The following EBF1 variants were observed in gnomAD, a reference collection of about 807,000 sequenced individuals.
EBF1 encodes the protein EBF transcription factor 1.
A neutral mutation model predicts 68.4 loss-of-function variants in EBF1; 10 were observed. That is an observed-to-expected ratio of 0.15 (90% CI 0.09 to 0.25). The LOEUF is 0.25. Among genes scored for constraint, EBF1 ranks in the 10% least tolerant of loss-of-function variants. The pLI, the probability that EBF1 is intolerant of heterozygous loss-of-function variation, is 1.00. For synonymous variants in EBF1, 298 were observed against 299.8 expected (o/e 0.99, Z 0.06); for missense variants, 509 against 794.4 (o/e 0.64, Z 4.32).
chr5:158,825,134 T>G (rs901919174), intron 7 of EBF1, among the ~76,000 whole-genome samples: 5 of 152,144 alleles, frequency 3.3e-5, no homozygotes, highest in African/African-American at 1.2e-4. Context: ...ACCAACCAGA[T>G]CTGACACAGC....
intron 6 of EBF1, among the ~76,000 whole-genome samples, chr5:158,947,841 G>C (rs962795085): frequency 2.2e-4 from 33 of 152,216 alleles, no homozygotes; most frequent in African/African-American, 7.9e-4. Flanking sequence ...GAGGTTGAAG[G>C]AGAACAGGAG....
intron 6 of EBF1, among the ~76,000 whole-genome samples, chr5:158,986,115 A>G (rs1484351025): frequency 6.6e-6 from 1 of 152,242 alleles, no homozygotes; most frequent in African/African-American, 2.4e-5. Flanking sequence ...CTGAGCCACA[A>G]GCCATTCCGC....
chr5:158,959,088 T>A (rs1308655038), intron 6 of EBF1, among the ~76,000 whole-genome samples: 1 of 152,066 alleles, frequency 6.6e-6, no homozygotes, highest in Non-Finnish European at 1.5e-5. Flanking sequence ...CTTCAGTGAA[T>A]TTGCATTTTC....
intron 6 of EBF1, among the ~76,000 whole-genome samples, chr5:159,050,851 A>C (rs1405962388): frequency 1.3e-5 from 2 of 152,212 alleles, no homozygotes; most frequent in Middle Eastern, 3.4e-3. Context: ...TGCTCTTTTT[A>C]ATTCCCCATT....
At chr5:158,814,296 T>C (rs1289903571) in intron 8 of EBF1, among the ~76,000 whole-genome samples, 1 of 152,072 alleles carries the variant, frequency 6.6e-6, no homozygotes, top group Non-Finnish European at 1.5e-5. Context: ...TGAGCTATGA[T>C]TGCACCACTG....
chr5:159,018,439 C>G (rs1766035564), intron 6 of EBF1, among the ~76,000 whole-genome samples: 1 of 152,220 alleles, frequency 6.6e-6, no homozygotes, highest in Admixed American at 6.5e-5. Context: ...ATACAAAGGT[C>G]TGATCACCAG....
intron 8 of EBF1, among the ~76,000 whole-genome samples, chr5:158,813,937 G>A (rs1783189272): frequency 6.6e-6 from 1 of 152,148 alleles, no homozygotes; most frequent in Admixed American, 6.5e-5. Context: ...CAAGTGAGGG[G>A]AGCTCCTGTG....
intron 6 of EBF1, among the ~76,000 whole-genome samples, chr5:159,056,953 G>T (rs139414675): frequency 6.6e-6 from 1 of 152,078 alleles, no homozygotes; most frequent in African/African-American, 2.4e-5. Flanking sequence ...GCAATTTGTC[G>T]CACGGTGTTA....
intron 6 of EBF1, among the ~76,000 whole-genome samples, chr5:158,913,797 G>A (rs1358764061): frequency 1.3e-5 from 2 of 152,194 alleles, no homozygotes; most frequent in African/African-American, 2.4e-5. Flanking sequence ...GAGAGCGCGA[G>A]TATTATACCA....
At chr5:159,053,725 T>TATATGTAC (rs1210947803) in intron 6 of EBF1, among the ~76,000 whole-genome samples, 2 of 151,962 alleles carry the variant, frequency 1.3e-5, no homozygotes, top group African/African-American at 2.4e-5. Flanking sequence ...ACAAAATGAG[T>TATATGTAC]ATATGTACCC....
Position 158,749,006 on chromosome 5 carries a change from G to A in EBF1, c.1037-17849C>T, listed in dbSNP as rs117928626. Reference sequence around the variant, plus strand: ...CAGAAAAACCTAAGCAGGAGTTTGAGGTGTGTCCCCAAGGCAATCTTGTCA... The same window carrying A: ...CAGAAAAACCTAAGCAGGAGTTTGAAGTGTGTCCCCAAGGCAATCTTGTCA... On this transcript the variant is annotated intron_variant, in intron 10 of 15. Coordinates refer to ENST00000313708, the MANE Select transcript of EBF1 (RefSeq NM_024007.5). Among the ~76,000 whole-genome samples the A allele has an allele frequency of 1.0e-3, 154 of 152,232 alleles. 1 individual carries two copies. In the East Asian group the frequency reaches 0.021, roughly 21 times the overall value.
chr5:158,971,506 G>A (rs569835528), intron 6 of EBF1, among the ~76,000 whole-genome samples: 9 of 152,328 alleles, frequency 5.9e-5, no homozygotes, highest in African/African-American at 2.2e-4. Flanking sequence ...AGTCGTGGTT[G>A]CTTTTGCTTC....
rs187086292 is a variant in EBF1 at position 158,944,863 on chromosome 5, T to C, written c.555-104753A>G. Among the ~76,000 whole-genome samples, 374 of 152,330 alleles carry C rather than the reference T, an allele frequency of 2.5e-3. 7 individuals are homozygous for C. The highest frequency in any genetic ancestry group is 0.02 in the Admixed American group (304 of 15,306). ...CATATGTTTGTTGGCCACATAAAAG[T>C]CTTCTTTAGAAAAATGACTGTTCAT... On this transcript the variant is annotated intron_variant, in intron 6 of 15. Transcript: ENST00000313708.
chr5:158,721,790 T>A (rs535030585), intron 11 of EBF1, among the ~76,000 whole-genome samples: 3 of 152,278 alleles, frequency 2.0e-5, no homozygotes, highest in African/African-American at 7.2e-5. Flanking sequence ...AAAAGAAACA[T>A]TACAGCTTGA....
intron 8 of EBF1, among the ~76,000 whole-genome samples, chr5:158,817,001 T>C (rs1240441894): frequency 6.6e-6 from 1 of 152,172 alleles, no homozygotes; most frequent in African/African-American, 2.4e-5. Flanking sequence ...GAGGAGCCCA[T>C]GTAATTGAAA....
chr5:158,723,139 G>T (rs1475504239), intron 11 of EBF1, among the ~76,000 whole-genome samples: 1 of 152,176 alleles, frequency 6.6e-6, no homozygotes, highest in African/African-American at 2.4e-5. Flanking sequence ...GGTACCCAGG[G>T]TTTGTCTGCA....
intron 9 of EBF1, among the ~76,000 whole-genome samples, chr5:158,792,288 C>G (rs1778786810): frequency 6.6e-6 from 1 of 152,140 alleles, no homozygotes; most frequent in Non-Finnish European, 1.5e-5. Flanking sequence ...GGGGGCAAAT[C>G]AAATTCACAA....
At chr5:159,035,844 T>C (rs1405004667) in intron 6 of EBF1, among the ~76,000 whole-genome samples, 2 of 152,222 alleles carry the variant, frequency 1.3e-5, no homozygotes, top group Non-Finnish European at 2.9e-5. Flanking sequence ...CACAAAAGTA[T>C]TGTGATAATC....
At chr5:159,014,604 C>A (rs760445569) in intron 6 of EBF1, among the ~76,000 whole-genome samples, 5 of 152,144 alleles carry the variant, frequency 3.3e-5, no homozygotes, top group Non-Finnish European at 7.4e-5. Flanking sequence ...ATTGCTGACC[C>A]CAAATATCTC....
Sources: allele counts gnomAD v4.1 joint callset (sites outside exome capture counted in the v4.1 genomes callset), GRCh38; gene constraint gnomAD v4.1.1; transcripts MANE v1.5; gene names NCBI Gene and HGNC (gene_info 2026-07-23, HGNC 2026-07-21).